The following RTN1 variants were observed in gnomAD, a reference collection of about 807,000 sequenced individuals.
The protein encoded by RTN1 is reticulon-1.
RTN1 carries 25 observed loss-of-function variants against 65.5 expected under a neutral mutation model. The ratio of observed to expected loss-of-function variants is 0.38; its 90% CI spans 0.28 to 0.53. The LOEUF (loss-of-function observed/expected upper bound fraction) is 0.53. Among genes scored for constraint, RTN1 ranks in the 20% least tolerant of loss-of-function variants. RTN1 has a pLI of 0.79. For missense variants in RTN1, 983 were observed against 1,025.4 expected, an observed-to-expected ratio of 0.96 and a Z score of 0.57; for synonymous variants, 471 against 447.6, an observed-to-expected ratio of 1.05 and a Z score of -0.66.
Position 59,791,888 on chromosome 14 carries a change from T to C in RTN1, c.242-45407A>G, listed in dbSNP as rs1309350829. Among the ~76,000 whole-genome samples, 8 of 152,188 alleles carry C rather than the reference T, an allele frequency of 5.3e-5. 1 individual carries two copies. The South Asian group carries it at 1.7e-3, about 32-fold the overall frequency. ...GTCCTCTGATGAGACACCGAGGGCA[T>C]AGGGGGAGCTTTCCAAATCCTTCCC... On this transcript the variant is annotated intron_variant, in intron 1 of 8. Coordinates refer to ENST00000267484, the MANE Select transcript of RTN1 (RefSeq NM_021136.3).
intron 1 of RTN1, among the ~76,000 whole-genome samples, chr14:59,807,239 T>C (rs1886655558): frequency 6.6e-6 from 1 of 152,158 alleles, no homozygotes; most frequent in Non-Finnish European, 1.5e-5. Context: ...ATTTGTAAAG[T>C]AAATGCATTC....
rs74699536 is a variant in RTN1, at chr14:59,744,457, G to C, written c.1015+1251C>G. On this transcript the variant is annotated intron_variant, in intron 2 of 8. Coordinates refer to ENST00000267484, the MANE Select transcript of RTN1 (RefSeq NM_021136.3). ...CTCTGGCCTTTAGCCAGGGATATAA[G>C]AGGCTCCCTTTGTGTTTGACAGAAT... Among the ~76,000 whole-genome samples the C allele has an allele frequency of 3.3e-3, 508 of 152,318 alleles. 20 individuals are homozygous for C. The East Asian group carries it at 0.056, about 17-fold the overall frequency.
intron 3 of RTN1, among the ~76,000 whole-genome samples, chr14:59,614,913 G>A (rs928258209): frequency 2.0e-5 from 3 of 152,132 alleles, no homozygotes; most frequent in Non-Finnish European, 4.4e-5. Context: ...TTACATACAA[G>A]GTATGTAGGG....
intron 1 of RTN1, among the ~76,000 whole-genome samples, chr14:59,838,863 T>C (rs902154153): frequency 1.3e-5 from 2 of 152,156 alleles, no homozygotes; most frequent in African/African-American, 4.8e-5. Context: ...CATTGAAATA[T>C]AGTTGTATTT....
chr14:59,711,741 A>C (rs1884422659), intron 3 of RTN1, among the ~76,000 whole-genome samples: 1 of 152,200 alleles, frequency 6.6e-6, no homozygotes, highest in African/African-American at 2.4e-5. Context: ...TAAACAAATA[A>C]AGGAAGGCAT....
chr14:59,695,234 TTC>T (rs1884039502), intron 3 of RTN1, among the ~76,000 whole-genome samples: 2 of 152,242 alleles, frequency 1.3e-5, no homozygotes, highest in Admixed American at 1.3e-4. Flanking sequence ...CAGAAGAACG[TTC>T]TCTTTACCAC....
chr14:59,680,094 C>A (rs1883714067), intron 3 of RTN1, among the ~76,000 whole-genome samples: 1 of 152,146 alleles, frequency 6.6e-6, no homozygotes, highest in Non-Finnish European at 1.5e-5. Flanking sequence ...TTCCATGGTA[C>A]CTGTTGCCAT....
rs1320118253 is a variant in RTN1 at position 59,816,105 on chromosome 14, C to G, written c.241+54285G>C. Among the ~76,000 whole-genome samples the G allele has an allele frequency of 1.3e-5, 2 of 152,174 alleles. No homozygotes were observed. The highest frequency in any genetic ancestry group is 3.8e-4 in the East Asian group (2 of 5,198). ...ATACACAGAAACACAATTTCTCTCTCCCTAACACTTGAGTGTAGGATCCTT... is the reference window on the plus strand; with the variant it reads ...ATACACAGAAACACAATTTCTCTCTGCCTAACACTTGAGTGTAGGATCCTT... On this transcript the variant is annotated intron_variant, in intron 1 of 8. Coordinates refer to ENST00000267484, the MANE Select transcript of RTN1 (RefSeq NM_021136.3). This position sits in a 1 kb window ranked among gnomAD's most constrained non-coding sequence, Gnocchi z 4.3.
intron 1 of RTN1, among the ~76,000 whole-genome samples, chr14:59,789,862 A>C (rs539536982): frequency 6.6e-6 from 1 of 152,138 alleles, no homozygotes; most frequent in Admixed American, 6.5e-5. Context: ...GTATCAAAAA[A>C]ACAAATCTAA....
chr14:59,757,988 G>A (rs1372893160), intron 1 of RTN1, among the ~76,000 whole-genome samples: 1 of 152,046 alleles, frequency 6.6e-6, no homozygotes, highest in African/African-American at 2.4e-5. Flanking sequence ...CACCATAACA[G>A]TATTATATAG....
At chr14:59,847,580 C>G (rs1050201964) in intron 1 of RTN1, among the ~76,000 whole-genome samples, 1 of 152,182 alleles carries the variant, frequency 6.6e-6, no homozygotes, top group African/African-American at 2.4e-5. Context: ...AAATGTGTGT[C>G]ATTTTCTAGT....
intron 1 of RTN1, among the ~76,000 whole-genome samples, chr14:59,762,531 T>C (rs1380691475): frequency 6.6e-6 from 1 of 152,158 alleles, no homozygotes; most frequent in Non-Finnish European, 1.5e-5. Context: ...TTTAGGGCAA[T>C]ATGACTCCAA....
At chr14:59,764,445 C>T (rs1885810619) in intron 1 of RTN1, among the ~76,000 whole-genome samples, 1 of 151,972 alleles carries the variant, frequency 6.6e-6, no homozygotes, top group South Asian at 2.1e-4. Flanking sequence ...CTCAGCCTCC[C>T]TTGTAGCTGG....
intron 1 of RTN1, among the ~76,000 whole-genome samples, chr14:59,859,309 G>GT (rs1887664635): frequency 6.6e-6 from 1 of 152,172 alleles, no homozygotes; most frequent in Non-Finnish European, 1.5e-5. Flanking sequence ...AGATCTGATG[G>GT]TTTTATAAAA....
rs147330894 is a variant in RTN1, at chr14:59,744,921, A to G, written c.1015+787T>C. Among the ~76,000 whole-genome samples, 198 of 152,290 alleles carry G rather than the reference A, an allele frequency of 1.3e-3. 1 individual carries two copies. Among genetic ancestry groups the G allele is most frequent in the African/African-American group, 4.6e-3 (191 of 41,556 alleles). Reference sequence around the variant, plus strand: ...CTTCCAAAACTCATGTTTAATCTTAATACCCAATGTGGCAGTATTGAGAGG... The same window carrying G: ...CTTCCAAAACTCATGTTTAATCTTAGTACCCAATGTGGCAGTATTGAGAGG... On this transcript the variant is annotated intron_variant, in intron 2 of 8. Transcript: ENST00000267484.
At position 59,847,608 on chromosome 14, in the gene RTN1, G is replaced by A. The variant is rs1887432664; in HGVS notation, c.241+22782C>T. ...TTTCTAGTCATTCACAGGACTTGGT[G>A]CAAAACAATTATCTGCTTTCTATCA... On this transcript the variant is annotated intron_variant, in intron 1 of 8. Transcript: ENST00000267484. Among the ~76,000 whole-genome samples, 3 of 152,298 alleles carry A rather than the reference G, an allele frequency of 2.0e-5. No individual in the cohort carries two copies. In the South Asian group the frequency reaches 6.2e-4, roughly 32 times the overall value.
At chr14:59,738,617 G>T (rs956546339) in intron 2 of RTN1, among the ~76,000 whole-genome samples, 3 of 152,162 alleles carry the variant, frequency 2.0e-5, no homozygotes, top group Non-Finnish European at 2.9e-5. Context: ...CCTAGAGGCA[G>T]AAATACAATT....
At chr14:59,726,038 A>T (rs1380453734) in intron 3 of RTN1, among the ~76,000 whole-genome samples, 1 of 152,216 alleles carries the variant, frequency 6.6e-6, no homozygotes, top group African/African-American at 2.4e-5. Context: ...AACAGGGTAG[A>T]AGTTCTCTAA....
chr14:59,749,508 TAGA>T (rs1566712032), intron 1 of RTN1, among the ~76,000 whole-genome samples: 2 of 37,902 alleles, frequency 5.3e-5, no homozygotes, highest in African/African-American at 3.4e-4. Context: ...TATCTATATA[TAGA>T]TATCTATATA....
Sources: gnomAD v4.1 joint callset for allele counts (sites outside exome capture counted in the v4.1 genomes callset) on GRCh38, gnomAD v4.1.1 for gene constraint, Gnocchi (gnomAD v3.1) non-coding constraint, MANE v1.5 for transcripts, NCBI Gene and HGNC (gene_info 2026-07-23, HGNC 2026-07-21) for gene names.